The following RBM44 variants were observed in gnomAD, a reference collection of about 807,000 sequenced individuals.
RBM44 encodes RNA binding motif protein 44.
RBM44 carries 66 observed loss-of-function variants against 105.1 expected under a neutral mutation model. That is an observed-to-expected ratio of 0.63 (90% CI 0.52 to 0.77). RBM44 has a LOEUF of 0.77. RBM44 is among the 30% of genes least tolerant of loss of function. The pLI is 0.00. For missense variants in RBM44, 1,122 were observed against 1,207.8 expected, an observed-to-expected ratio of 0.93 and a Z score of 1.05; for synonymous variants, 365 against 417.6, an observed-to-expected ratio of 0.87 and a Z score of 1.54.
In RBM44 at chr2:237,818,277, C is replaced by A; in HGVS notation, c.1358C>A (p.Ser453Ter). 1 of 1,613,216 alleles carries A rather than the reference C, an allele frequency of 6.2e-7. No individual in the cohort carries two copies. The highest frequency in any genetic ancestry group is 1.1e-5 in the South Asian group (1 of 91,050). Residue 453 changes from serine (S) to a stop codon, truncating the protein, a stop_gained, in exon 3 of 16, where the codon TCA becomes TAA. Transcript: ENST00000316997. LOFTEE classifies it high-confidence loss of function. The surrounding 1 kb of genome is among the most constrained non-coding windows in gnomAD (Gnocchi z 4.6). ...FHNIGEMCTK[S>*]LTDAASCTVT... is the part of the protein sequence containing the mutation. ...AATATAGGAGAAATGTGTACTAAAT[C>A]ATTGACAGATGCAGCAAGTTGTACA... is the stretch of plus-strand genomic sequence containing the variant.
chr2:237,817,562 G>A lies in RBM44; in HGVS notation c.643G>A (p.Glu215Lys). 6.2e-7 allele frequency: 1 copy of A among 1,612,072 alleles called. No homozygotes were observed. Residue 215 changes from glutamate to lysine, a missense_variant, in exon 3 of 16, where the codon GAA (glutamate) becomes AAA (lysine). Coordinates refer to ENST00000316997, the MANE Select transcript of RBM44 (RefSeq NM_001080504.3). ...AAAAGCATTAGATATATCTAATCCA[G>A]AAGTTGTTGAATTAGGAAATTCGGG... Reference protein sequence around the residue: ...QTKALDISNPEVVELGNSGYE... With the variant: ...QTKALDISNPKVVELGNSGYE...
Position 237,810,077 on chromosome 2 carries a change from A to G in RBM44, c.-18-3515A>G, listed in dbSNP as rs148972642. Among the ~76,000 whole-genome samples the G allele has an allele frequency of 3.7e-3, 558 of 152,370 alleles. 3 individuals carry two copies. Among genetic ancestry groups the G allele is most frequent in the African/African-American group, 0.013 (534 of 41,584 alleles). ...TTTTTAATGCTTTATTTAACACAGT[A>G]TATAAAAAATATTTCAACATGTAAT... is the stretch of plus-strand genomic sequence containing the variant. On this transcript the variant is annotated intron_variant, in intron 1 of 15. Coordinates refer to ENST00000316997, the MANE Select transcript of RBM44 (RefSeq NM_001080504.3).
chr2:237,829,371 A>G lies in RBM44; in HGVS notation c.2755A>G (p.Ile919Val). The G allele has an allele frequency of 2.5e-6, 4 of 1,613,736 alleles. No individual in the cohort carries two copies. The highest frequency in any genetic ancestry group is 1.7e-5 in the Admixed American group (1 of 59,988). Residue 919 changes from isoleucine to valine, a missense_variant, in exon 13 of 16, where the codon ATT becomes GTT. By Grantham distance (29) the Ile-to-Val change is conservative. Around this residue, in one of 3 missense-constraint regions of RBM44, gnomAD observed 194 missense variants for 225.5 expected, o/e 0.86. Coordinates refer to ENST00000316997, the MANE Select transcript of RBM44 (RefSeq NM_001080504.3). Reference sequence around the variant, plus strand: ...ACTTTCCTCCAAAAATGGGAATAGAATTAGTTCGAATAATTTAGAGAAAAG... The same window carrying G: ...ACTTTCCTCCAAAAATGGGAATAGAGTTAGTTCGAATAATTTAGAGAAAAG... ...SPLSSKNGNR[I>V]SSNNLEKSTN...
intron 2 of RBM44, among the ~76,000 whole-genome samples, chr2:237,815,285 T>C (rs1402407727): frequency 2.6e-5 from 4 of 152,220 alleles, no homozygotes; most frequent in African/African-American, 7.2e-5. Flanking sequence ...TCCAACCACA[T>C]ATTTATAACA....
intron 12 of RBM44, among the ~76,000 whole-genome samples, chr2:237,828,814 G>T (rs538607504): frequency 2.7e-5 from 4 of 150,106 alleles, no homozygotes; most frequent in African/African-American, 9.7e-5. Context: ...TTAAAATTTT[G>T]CCTCTCACAT....
Position 237,820,275 on chromosome 2 carries a change from G to C in RBM44, c.1837G>C (p.Val613Leu), listed in dbSNP as rs762999347. 1.9e-6 allele frequency: 3 copies of C among 1,603,656 alleles called. No individual in the cohort carries two copies. The East Asian group carries it at 6.7e-5, about 36-fold the overall frequency. The stretch of plus-strand genomic sequence containing the variant: ...AAAAGCAGAGCTGCACCTTTTAAAT[G>C]TTCACTATCAGATGTGTCGTCGCCA... Reference protein sequence around the residue: ...AIKAELHLLNVHYQMCRRHCC... With the variant: ...AIKAELHLLNLHYQMCRRHCC... The change falls in exon 5 of 16, where the codon GTT becomes CTT. Residue 613 changes from valine to leucine, a missense_variant. Physicochemically the swap from Val to Leu is conservative, Grantham distance 32. Around this residue, in one of 3 missense-constraint regions of RBM44, gnomAD observed 918 missense variants for 955.3 expected, o/e 0.96. Coordinates refer to ENST00000316997, the MANE Select transcript of RBM44 (RefSeq NM_001080504.3).
intron 13 of RBM44, among the ~76,000 whole-genome samples, chr2:237,830,793 A>G (rs1445957581): frequency 6.6e-6 from 1 of 152,084 alleles, no homozygotes; most frequent in African/African-American, 2.4e-5. Context: ...TGTCTTCATT[A>G]CTGTAGCTTC....
At chr2:237,816,304 T>C (rs187033674) in intron 2 of RBM44, among the ~76,000 whole-genome samples, 8 of 152,254 alleles carry the variant, frequency 5.3e-5, no homozygotes, top group Admixed American at 2.0e-4. Flanking sequence ...CTATAAGCAC[T>C]TGGGGACAGC....
At chr2:237,810,420 C>A (rs2061647480) in intron 1 of RBM44, among the ~76,000 whole-genome samples, 2 of 152,226 alleles carry the variant, frequency 1.3e-5, no homozygotes, top group African/African-American at 4.8e-5. Flanking sequence ...CTGTTGCAGT[C>A]ACTGTGGTCC....
At chr2:237,820,710 T>C in intron 5 of RBM44, 1 of 229,700 alleles carries the variant, frequency 4.4e-6, no homozygotes, top group Non-Finnish European at 8.3e-6. Flanking sequence ...TTTTTTTCTT[T>C]TACTCAGCAT....
chr2:237,826,485 C>A (rs2061849539), intron 10 of RBM44, among the ~76,000 whole-genome samples: 1 of 151,900 alleles, frequency 6.6e-6, no homozygotes, highest in Non-Finnish European at 1.5e-5. Flanking sequence ...TTTTTGTGTG[C>A]CCTTACCGTT....
chr2:237,834,114 CT>C lies in RBM44; in HGVS notation c.3005del (p.Leu1002ArgfsTer14). ...LRSFTKIIKR[L>X]AELHPEVSRD... ...TAGCTTTACCAAGATCATAAAGAGA[CT>C]GGCTGAACTGCATCCAGAAGTCAGC... On this transcript the variant is annotated frameshift_variant, in exon 14 of 16. Transcript: ENST00000316997. LOFTEE classifies it high-confidence loss of function. 1.9e-6 allele frequency: 3 copies of C among 1,576,278 alleles called. No homozygotes were observed. Among genetic ancestry groups the C allele is most frequent in the Non-Finnish European group, 2.6e-6 (3 of 1,160,378 alleles).
chr2:237,832,504 G>A (rs1235147838), intron 13 of RBM44, among the ~76,000 whole-genome samples: 2 of 152,128 alleles, frequency 1.3e-5, no homozygotes, highest in African/African-American at 4.8e-5. Context: ...CTGTGATTTT[G>A]ATGTTCATTA....
rs549054935 is a variant in RBM44, at chr2:237,806,517, C to T, written c.-18-7075C>T. 9.8e-4 allele frequency among the ~76,000 whole-genome samples: 149 copies of T among 152,242 alleles called. No homozygotes were observed. The Middle Eastern group carries it at 0.017, about 17-fold the overall frequency. The stretch of plus-strand genomic sequence containing the variant: ...AGAAAGGAAACACCCAGCGTGAGTC[C>T]TATGATGATAGCCTGGCTTCCTGCC... On this transcript the variant is annotated intron_variant, in intron 1 of 15. Transcript: ENST00000316997.
intron 1 of RBM44, among the ~76,000 whole-genome samples, chr2:237,808,459 T>TC (rs560291812): frequency 1.5e-5 from 2 of 137,566 alleles, no homozygotes; most frequent in African/African-American, 5.5e-5. Context: ...CCTCACCCTC[T>TC]CCCCCCAAAA....
chr2:237,805,949 C>T (rs2061595188), intron 1 of RBM44, among the ~76,000 whole-genome samples: 1 of 152,146 alleles, frequency 6.6e-6, no homozygotes, highest in Non-Finnish European at 1.5e-5. Flanking sequence ...CACTTTACTC[C>T]AGCCTGGGTG....
chr2:237,802,384 TCTAA>T (rs1449643022), intron 1 of RBM44, among the ~76,000 whole-genome samples: 3 of 152,174 alleles, frequency 2.0e-5, no homozygotes, highest in Admixed American at 6.5e-5. Flanking sequence ...CCTATGAGAA[TCTAA>T]CTAATGCCTG....
chr2:237,832,309 T>G (rs1429042887), intron 13 of RBM44, among the ~76,000 whole-genome samples: 1 of 151,986 alleles, frequency 6.6e-6, no homozygotes, highest in Non-Finnish European at 1.5e-5. Context: ...TGTGTCATCA[T>G]GCCCAGCTAA....
chr2:237,829,401 A>G lies in RBM44; in HGVS notation c.2785A>G (p.Asn929Asp). Reference sequence around the variant, plus strand: ...TTCGAATAATTTAGAGAAAAGCACCAACAAACAAATCCACTCAGAATTCTC... The same window carrying G: ...TTCGAATAATTTAGAGAAAAGCACCGACAAACAAATCCACTCAGAATTCTC... ...ISSNNLEKSTNKQIHSEFSIS... is the reference protein window; with the variant it reads ...ISSNNLEKSTDKQIHSEFSIS... The change falls in exon 13 of 16, where the codon AAC becomes GAC. Residue 929 changes from asparagine to aspartate, a missense_variant. Around this residue, in one of 3 missense-constraint regions of RBM44, gnomAD observed 194 missense variants for 225.5 expected, o/e 0.86. Transcript: ENST00000316997. The G allele has an allele frequency of 3.4e-5, 55 of 1,613,772 alleles. No homozygotes were observed. The highest frequency in any genetic ancestry group is 4.7e-5 in the Non-Finnish European group (55 of 1,179,714).
Sources: gnomAD v4.1 joint callset for allele counts (sites outside exome capture counted in the v4.1 genomes callset) on GRCh38, gnomAD v4.1.1 for gene constraint, gnomAD v4.1.1 regional missense constraint, Gnocchi (gnomAD v3.1) non-coding constraint, MANE v1.5 for transcripts, NCBI Gene and HGNC (gene_info 2026-07-23, HGNC 2026-07-21) for gene names.